ZNF593OS: variants seen among roughly 807,000 people sequenced by gnomAD.
ZNF593OS encodes transmembrane protein ZNF593OS.
exon 2 of ZNF593OS, chr1:26,170,525 A>C: frequency 1.2e-6 from 2 of 1,614,170 alleles, no homozygotes; most frequent in East Asian, 4.5e-5. Flanking sequence ...TGCTCAGCAG[A>C]TAGGGCTCTC....
chr1:26,170,322 C>G (rs2232652), downstream of ZNF593OS: 517 of 1,532,074 alleles, frequency 3.4e-4, 3 homozygotes, highest in African/African-American at 6.6e-3. Context: ...TTCTCAGACC[C>G]GGATCCTGGC....
downstream of ZNF593OS, chr1:26,170,156 G>C (rs1447713098): frequency 6.4e-7 from 1 of 1,571,534 alleles, no homozygotes; most frequent in African/African-American, 1.4e-5. Flanking sequence ...CTGCCAGGGG[G>C]CGGTCTGCAC....
chr1:26,170,716 A>G (rs1222935303), exon 2 of ZNF593OS: 1 of 1,603,414 alleles, frequency 6.2e-7, no homozygotes, highest in Non-Finnish European at 8.5e-7. Context: ...CCTCTACCTG[A>G]CATGGCCTGA....
exon 2 of ZNF593OS, chr1:26,170,900 C>T (rs2088489796): frequency 1.3e-6 from 1 of 757,688 alleles, no homozygotes; most frequent in East Asian, 2.7e-5. Flanking sequence ...ACTTCCAGGC[C>T]GCTGTCTCAA....
exon 2 of ZNF593OS, chr1:26,170,552 ACTC>A (rs541329380): frequency 1.7e-5 from 28 of 1,613,654 alleles, no homozygotes; most frequent in South Asian, 1.4e-4. Flanking sequence ...TCAGCTCCCA[ACTC>A]CTGTTTTTCT....
exon 2 of ZNF593OS, chr1:26,170,568 C>A (rs372466658): frequency 6.2e-7 from 1 of 1,613,938 alleles, no homozygotes; most frequent in Admixed American, 1.7e-5. Flanking sequence ...GTTTTTCTTT[C>A]TCCCAGGCTG....
At chr1:26,169,901 C>T (rs1345785578), downstream of ZNF593OS, 3 of 1,372,142 alleles carry the variant, frequency 2.2e-6, no homozygotes, top group Non-Finnish European at 2.9e-6. Context: ...CGTGGCCTGA[C>T]GTAGCTGATC....
In ZNF593OS at chr1:26,171,172, A is replaced by G. The variant is rs1353295413; in HGVS notation, c.*17T>C. ...GTCACCTACCCCCAGCATCCAAGTG[A>G]GAGTCTCTCTTCTTCGTTACGGGGC... On this transcript the variant is annotated 3_prime_UTR_variant, in exon 2 of 2. Transcript: ENST00000648649. This position sits in a 1 kb window ranked among gnomAD's most constrained non-coding sequence, Gnocchi z 5.5. 2 of 408,208 alleles carry G rather than the reference A, an allele frequency of 4.9e-6. No individual in the cohort carries two copies. Among genetic ancestry groups the G allele is most frequent in the African/African-American group, 2.1e-5 (1 of 48,692 alleles). 25.3% of individuals were successfully genotyped at this position (408,208 alleles called of 1,614,324 possible). A position where few individuals can be genotyped will look rare whatever the true frequency, so the allele number is the denominator to read the frequency against.
At position 26,171,166 on chromosome 1, in the gene ZNF593OS, C is replaced by G; in HGVS notation, c.*23G>C. The G allele has an allele frequency of 7.3e-6, 3 of 408,686 alleles. No homozygotes were observed. Among genetic ancestry groups the G allele is most frequent in the Non-Finnish European group, 1.3e-5 (3 of 231,434 alleles). The allele number at this position is 408,686 out of a possible 1,614,324, so 25.3% of individuals were successfully genotyped here. ...TCCCGAGTCACCTACCCCCAGCATC[C>G]AAGTGAGAGTCTCTCTTCTTCGTTA... On this transcript the variant is annotated 3_prime_UTR_variant, in exon 2 of 2. Transcript: ENST00000648649. This position sits in a 1 kb window ranked among gnomAD's most constrained non-coding sequence, Gnocchi z 5.5.
chr1:26,169,937 T>TCCCTG (rs1265342675), downstream of ZNF593OS: 1 of 1,500,862 alleles, frequency 6.7e-7, no homozygotes, highest in African/African-American at 1.4e-5. Context: ...ACACGTGTGC[T>TCCCTG]CCCTGCCCTG....
rs1212956738 is a variant in ZNF593OS, at chr1:26,171,191, A to T, written c.190T>A (p.Ter64LysextTer38). The T allele has an allele frequency of 2.5e-6, 1 of 404,184 alleles. No individual in the cohort carries two copies. Among genetic ancestry groups the T allele is most frequent in the Non-Finnish European group, 4.4e-6 (1 of 229,284 alleles). The allele number at this position is 404,184 out of a possible 1,614,324, so 25.0% of individuals were successfully genotyped here. A position where few individuals can be genotyped will look rare whatever the true frequency, so the allele number is the denominator to read the frequency against. Residue 64 changes from the stop codon to lysine (K), a stop_lost, in exon 2 of 2, where the codon TAA (stop) becomes AAA (lysine). Coordinates refer to ENST00000648649, the Ensembl canonical transcript of ZNF593OS. This position sits in a 1 kb window ranked among gnomAD's most constrained non-coding sequence, Gnocchi z 5.5. ...CAAGTGAGAGTCTCTCTTCTTCGTT[A>T]CGGGGCCCGTGGCACCCGCCGCTGC...
exon 2 of ZNF593OS, chr1:26,170,623 G>A (rs1346652837): frequency 2.5e-6 from 4 of 1,613,404 alleles, no homozygotes; most frequent in Admixed American, 1.7e-5. Flanking sequence ...AGGCGGAGAG[G>A]GCAGCGGGTA....
downstream of ZNF593OS, chr1:26,169,907 T>A: frequency 7.2e-7 from 1 of 1,396,724 alleles, no homozygotes; most frequent in Non-Finnish European, 9.4e-7. Context: ...CTGACGTAGC[T>A]GATCGGCCCG....
chr1:26,170,171 GTC>G, downstream of ZNF593OS: 1 of 1,571,814 alleles, frequency 6.4e-7, no homozygotes, highest in Non-Finnish European at 8.6e-7. Context: ...CTGCACCGCT[GTC>G]TGGCCTGCGC....
chr1:26,169,767 C>A (rs917214340), downstream of ZNF593OS: 2 of 560,324 alleles, frequency 3.6e-6, no homozygotes, highest in Non-Finnish European at 6.1e-6. Flanking sequence ...CTTCAGTGGG[C>A]ACACTTCTGG....
rs777309930 is a variant in ZNF593OS, at chr1:26,171,781, G to C, written c.-120C>G. The stretch of plus-strand genomic sequence containing the variant: ...GAGGGGTCTCTGACCTTCCACATAC[G>C]CAAGACCCAAGCTCTCAGAGGATGC... On this transcript the variant is annotated 5_prime_UTR_variant, in exon 1 of 2. Transcript: ENST00000648649. The surrounding 1 kb of genome is among the most constrained non-coding windows in gnomAD (Gnocchi z 5.5). 2.5e-6 allele frequency: 1 copy of C among 397,270 alleles called. No individual in the cohort carries two copies. Among genetic ancestry groups the C allele is most frequent in the Non-Finnish European group, 4.4e-6 (1 of 225,510 alleles). The allele number at this position is 397,270 out of a possible 1,614,324, so 24.6% of individuals were successfully genotyped here.
In ZNF593OS at chr1:26,170,616, C is replaced by T. The variant is rs749150132; in HGVS notation, c.*573G>A. 13 of 1,613,576 alleles carry T rather than the reference C, an allele frequency of 8.1e-6. No individual in the cohort carries two copies. The highest frequency in any genetic ancestry group is 2.2e-5 in the East Asian group (1 of 44,874). ...GTCGAGCCCTACAGTCAGGAAGAGG[C>T]GGAGAGGGCAGCGGGTATGGGATCC... On this transcript the variant is annotated 3_prime_UTR_variant, in exon 2 of 2. Transcript: ENST00000648649.
chr1:26,171,192 C>A lies in ZNF593OS; in HGVS notation c.189G>T (p.Pro63=). 1 of 405,120 alleles carries A rather than the reference C, an allele frequency of 2.5e-6. No individual in the cohort carries two copies. The highest frequency in any genetic ancestry group is 4.4e-6 in the Non-Finnish European group (1 of 229,638). 25.1% of individuals were successfully genotyped at this position (405,120 alleles called of 1,614,324 possible). A position where few individuals can be genotyped will look rare whatever the true frequency, so the allele number is the denominator to read the frequency against. ...AAGTGAGAGTCTCTCTTCTTCGTTACGGGGCCCGTGGCACCCGCCGCTGCC... is the reference window on the plus strand; with the variant it reads ...AAGTGAGAGTCTCTCTTCTTCGTTAAGGGGCCCGTGGCACCCGCCGCTGCC... Residue 63 remains proline, a synonymous_variant, in exon 2 of 2, where the codon CCG becomes CCT. Coordinates refer to ENST00000648649, the Ensembl canonical transcript of ZNF593OS. The surrounding 1 kb of genome is among the most constrained non-coding windows in gnomAD (Gnocchi z 5.5).
exon 2 of ZNF593OS, chr1:26,170,499 A>C (rs774126213): frequency 6.2e-7 from 1 of 1,614,122 alleles, no homozygotes; most frequent in South Asian, 1.1e-5. Flanking sequence ...GAGTAAGGAG[A>C]GGATTGATGG....
Sources: gnomAD v4.1 joint callset for allele counts on GRCh38, gnomAD v4.1.1 for gene constraint, Gnocchi (gnomAD v3.1) non-coding constraint, MANE v1.5 for transcripts, NCBI Gene and HGNC (gene_info 2026-07-23, HGNC 2026-07-21) for gene names.